The following ETV6 variants were observed in gnomAD, a reference collection of about 807,000 sequenced individuals.
ETV6 encodes the protein transcription factor ETV6.
ETV6 carries 16 observed loss-of-function variants against 51.1 expected under a neutral mutation model. The observed-to-expected ratio is 0.31, with a 90% CI of 0.21 to 0.48. The LOEUF (loss-of-function observed/expected upper bound fraction) is 0.48, where lower values mean the gene tolerates loss of function less well. Ranked by LOEUF, ETV6 falls within the 20% of genes least tolerant of loss-of-function variation. The pLI, the probability that ETV6 is intolerant of heterozygous loss-of-function variation, is 0.99. For synonymous variants in ETV6, 240 were observed against 224.1 expected (o/e 1.07, Z -0.64); for missense variants, 458 against 594.8 (o/e 0.77, Z 2.39).
chr12:11,685,377 G>C (rs1443611579), intron 1 of ETV6, among the ~76,000 whole-genome samples: 1 of 150,718 alleles, frequency 6.6e-6, no homozygotes. Flanking sequence ...CTTAAATCAC[G>C]CCTTTGAAAC....
chr12:11,796,316 C>T (rs1002769188), intron 2 of ETV6, among the ~76,000 whole-genome samples: 4 of 152,302 alleles, frequency 2.6e-5, no homozygotes, highest in Non-Finnish European at 5.9e-5. Context: ...ATCTGGTCCT[C>T]GGCCAAGATT....
chr12:11,708,619 G>A (rs540372206), intron 1 of ETV6, among the ~76,000 whole-genome samples: 1 of 152,082 alleles, frequency 6.6e-6, no homozygotes, highest in Admixed American at 6.5e-5. Flanking sequence ...CATGGGGGAT[G>A]GACATTGTTT....
chr12:11,720,911 G>A (rs1865371672), intron 1 of ETV6, among the ~76,000 whole-genome samples: 1 of 151,984 alleles, frequency 6.6e-6, no homozygotes, highest in African/African-American at 2.4e-5. Flanking sequence ...TGGGCAAAGG[G>A]CATGAACAGA....
chr12:11,687,565 G>C (rs1345159881), intron 1 of ETV6, among the ~76,000 whole-genome samples: 1 of 152,100 alleles, frequency 6.6e-6, no homozygotes, highest in African/African-American at 2.4e-5. Context: ...CTGAGTATGA[G>C]AAATCAGTAA....
intron 1 of ETV6, among the ~76,000 whole-genome samples, chr12:11,734,917 A>C (rs1405306976): frequency 1.1e-4 from 17 of 152,102 alleles, no homozygotes; most frequent in Admixed American, 1.1e-3. Flanking sequence ...GAAAAGGAAA[A>C]CGTGGTCCCT....
intron 2 of ETV6, among the ~76,000 whole-genome samples, chr12:11,753,076 T>C (rs2121071278): frequency 6.6e-6 from 1 of 152,288 alleles, no homozygotes; most frequent in Middle Eastern, 3.4e-3. Flanking sequence ...TTCCCTTCGT[T>C]TTCTAGGCCT....
In ETV6 at chr12:11,893,890, T is replaced by C. The variant is rs1947348337; in HGVS notation, c.*2844T>C. On this transcript the variant is annotated 3_prime_UTR_variant, in exon 8 of 8. Coordinates refer to ENST00000396373, the MANE Select transcript of ETV6 (RefSeq NM_001987.5). Reference sequence around the variant, plus strand: ...TATTCCAGGATACAAAAAAAAACATTTAAAAATCCGAGACCCAGAACACTT... The same window carrying C: ...TATTCCAGGATACAAAAAAAAACATCTAAAAATCCGAGACCCAGAACACTT... 1 of 173,242 alleles carries C rather than the reference T, an allele frequency of 5.8e-6. No individual in the cohort carries two copies. Among genetic ancestry groups the C allele is most frequent in the African/African-American group, 2.7e-5 (1 of 36,792 alleles). The allele number at this position is 173,242 out of a possible 1,614,324, so 10.7% of individuals were successfully genotyped here. A position where few individuals can be genotyped will look rare whatever the true frequency, so the allele number is the denominator to read the frequency against.
chr12:11,816,134 A>T (rs796329177), intron 2 of ETV6, among the ~76,000 whole-genome samples: 4 of 152,368 alleles, frequency 2.6e-5, no homozygotes, highest in African/African-American at 9.6e-5. Context: ...GTCAGATGTC[A>T]GTGTGGCTGG....
At chr12:11,890,868 C>G in intron 7 of ETV6, 73 bp from the exon 8 acceptor site, 1 of 1,118,952 alleles carries the variant, frequency 8.9e-7, no homozygotes, top group Non-Finnish European at 1.4e-6. Context: ...TCTTTATATA[C>G]AGGCTAGAGT....
chr12:11,887,165 C>T (rs893835409), intron 7 of ETV6, among the ~76,000 whole-genome samples: 18 of 152,118 alleles, frequency 1.2e-4, no homozygotes, highest in African/African-American at 4.3e-4. Context: ...AAGAACCCTC[C>T]ATTCTCTGGC....
intron 1 of ETV6, among the ~76,000 whole-genome samples, chr12:11,746,186 G>A (rs1352898874): frequency 1.3e-5 from 2 of 152,196 alleles, no homozygotes; most frequent in African/African-American, 4.8e-5. Context: ...ATATTCGAAG[G>A]CTGCTATGAT....
chr12:11,660,992 T>G (rs529672849), intron 1 of ETV6, among the ~76,000 whole-genome samples: 1 of 152,188 alleles, frequency 6.6e-6, no homozygotes, highest in Non-Finnish European at 1.5e-5. Context: ...CATTTTGTAA[T>G]TGCTGTATCC....
intron 1 of ETV6, among the ~76,000 whole-genome samples, chr12:11,743,322 AG>A (rs1276172378): frequency 6.6e-6 from 1 of 152,236 alleles, no homozygotes; most frequent in Non-Finnish European, 1.5e-5. Flanking sequence ...TACTGTAGGT[AG>A]AATTCATGAG....
intron 6 of ETV6, among the ~76,000 whole-genome samples, chr12:11,885,259 G>T (rs913104251): frequency 1.3e-5 from 2 of 152,296 alleles, no homozygotes; most frequent in South Asian, 4.1e-4. Flanking sequence ...GAGTGAAAAG[G>T]CAGGGAGGCC....
At chr12:11,765,135 C>T (rs1945144829) in intron 2 of ETV6, among the ~76,000 whole-genome samples, 1 of 152,116 alleles carries the variant, frequency 6.6e-6, no homozygotes, top group Non-Finnish European at 1.5e-5. Context: ...AAAGCTACCC[C>T]ACAGAAAACA....
Position 11,820,466 on chromosome 12 carries a change from T to A in ETV6, c.164-18674T>A, listed in dbSNP as rs180887577. On this transcript the variant is annotated intron_variant, in intron 2 of 7. Transcript: ENST00000396373. The stretch of plus-strand genomic sequence containing the variant: ...GATGAATGCTAAGAGAAAACAAAAA[T>A]AAGCAAGAAAGAAGACCGGGGGAGT... 2.4e-4 allele frequency among the ~76,000 whole-genome samples: 37 copies of A among 152,086 alleles called. No individual in the cohort carries two copies. In the East Asian group the frequency reaches 6.4e-3, roughly 26 times the overall value.
chr12:11,855,507 A>G (rs1302547098), intron 4 of ETV6, among the ~76,000 whole-genome samples: 1 of 152,178 alleles, frequency 6.6e-6, no homozygotes, highest in Non-Finnish European at 1.5e-5. Context: ...AGGGACCTCA[A>G]ACCCTGGTCC....
rs571037528 is a variant in ETV6 at position 11,888,043 on chromosome 12, A to AG, written c.1253+2018dup. On this transcript the variant is annotated intron_variant, in intron 7 of 7. Coordinates refer to ENST00000396373, the MANE Select transcript of ETV6 (RefSeq NM_001987.5). Reference sequence around the variant, plus strand: ...GCAGTTTCATGAGATCTGGGAGACTAGAAAAAAGTAAAGGCTTCCCTGGCA... The same window carrying AG: ...GCAGTTTCATGAGATCTGGGAGACTAGGAAAAAAGTAAAGGCTTCCCTGGCA... Among the ~76,000 whole-genome samples, 204 of 152,300 alleles carry AG rather than the reference A, an allele frequency of 1.3e-3. 4 individuals are homozygous for AG. The highest frequency in any genetic ancestry group is 1.8e-4 in the Non-Finnish European group (12 of 68,010).
chr12:11,851,678 C>T (rs1387936020), intron 3 of ETV6, among the ~76,000 whole-genome samples: 1 of 152,192 alleles, frequency 6.6e-6, no homozygotes, highest in Admixed American at 6.5e-5. Flanking sequence ...GTCTGCAGCT[C>T]TTTGAGGTAT....
Sources: gnomAD v4.1 joint callset for allele counts (sites outside exome capture counted in the v4.1 genomes callset) on GRCh38, gnomAD v4.1.1 for gene constraint, MANE v1.5 for transcripts, NCBI Gene and HGNC (gene_info 2026-07-23, HGNC 2026-07-21) for gene names.